LRRTM4: variants seen among roughly 807,000 people sequenced by gnomAD.
LRRTM4 encodes leucine rich repeat transmembrane neuronal 4, also known as leucine-rich repeat transmembrane neuronal protein 4.
Under a neutral mutation model 47.6 loss-of-function variants are expected in LRRTM4, and 25 were observed. The observed-to-expected ratio is 0.53, with a 90% CI of 0.38 to 0.73. LRRTM4 has a LOEUF of 0.73. Ranked by LOEUF, LRRTM4 falls within the 30% of genes least tolerant of loss-of-function variation. The probability of loss-of-function intolerance (pLI) is 0.00; values close to 1 mark genes in which losing one functional copy is unlikely to be tolerated. For synonymous variants in LRRTM4, 311 were observed against 269.5 expected (o/e 1.15, Z -1.51); for missense variants, 638 against 713.4 (o/e 0.89, Z 1.20).
intron 3 of LRRTM4, among the ~76,000 whole-genome samples, chr2:77,469,946 T>C (rs758883591): frequency 2.0e-5 from 3 of 152,124 alleles, no homozygotes; most frequent in Non-Finnish European, 4.4e-5. Flanking sequence ...AACAAAGACT[T>C]TTTATTTATA....
chr2:77,416,648 A>C (rs1674645294), intron 3 of LRRTM4, among the ~76,000 whole-genome samples: 1 of 152,092 alleles, frequency 6.6e-6, no homozygotes. Context: ...TCATTAATAT[A>C]ATCTTAGCAA....
chr2:77,239,056 C>T (rs2103986109), intron 3 of LRRTM4, among the ~76,000 whole-genome samples: 1 of 151,490 alleles, frequency 6.6e-6, no homozygotes, highest in South Asian at 2.1e-4. Flanking sequence ...GAAATCTGAA[C>T]TAAAGAAAGA....
intron 3 of LRRTM4, among the ~76,000 whole-genome samples, chr2:76,979,704 A>C (rs1319228968): frequency 7.0e-6 from 1 of 143,100 alleles, no homozygotes; most frequent in Non-Finnish European, 1.6e-5. Flanking sequence ...AGCGATAGAT[A>C]GATAGATAGA....
intron 3 of LRRTM4, among the ~76,000 whole-genome samples, chr2:77,133,710 C>G (rs1013255568): frequency 1.3e-4 from 20 of 152,088 alleles, no homozygotes; most frequent in African/African-American, 4.6e-4. Context: ...CAACCTGGTT[C>G]TGAGAGTTTC....
chr2:77,246,075 T>C (rs1675437965), intron 3 of LRRTM4, among the ~76,000 whole-genome samples: 2 of 152,224 alleles, frequency 1.3e-5, no homozygotes, highest in Admixed American at 1.3e-4. Flanking sequence ...ACTAGCCATC[T>C]TTACTGATGA....
chr2:77,385,692 C>G (rs954566811), intron 3 of LRRTM4, among the ~76,000 whole-genome samples: 7 of 142,628 alleles, frequency 4.9e-5, no homozygotes, highest in African/African-American at 1.6e-4. Flanking sequence ...GTTTTCTCTT[C>G]TTTTTCTAAA....
At chr2:77,508,163 A>G (rs1460089279) in intron 3 of LRRTM4, among the ~76,000 whole-genome samples, 1 of 152,168 alleles carries the variant, frequency 6.6e-6, no homozygotes, top group East Asian at 1.9e-4. Context: ...ATACTATGAA[A>G]AATGTATACT....
rs773581790 is a variant in LRRTM4 at position 77,250,465 on chromosome 2, A to T, written c.1551+267853T>A. Among the ~76,000 whole-genome samples, 75 of 152,300 alleles carry T rather than the reference A, an allele frequency of 4.9e-4. 1 individual carries two copies. The highest frequency in any genetic ancestry group is 1.0e-3 in the South Asian group (5 of 4,826). On this transcript the variant is annotated intron_variant, in intron 3 of 3. Coordinates refer to ENST00000409884, the MANE Select transcript of LRRTM4 (RefSeq NM_001134745.3). ...TCTGTCCAATTTTATAGTGAATCTA[A>T]AACTTCTCTAAAGATAAAGTTATTA... is the stretch of plus-strand genomic sequence containing the variant.
At chr2:76,797,414 C>A (rs559869329) in intron 3 of LRRTM4, among the ~76,000 whole-genome samples, 52 of 152,020 alleles carry the variant, frequency 3.4e-4, no homozygotes, top group Non-Finnish European at 6.3e-4. Flanking sequence ...CAAGCAAATG[C>A]TGAGAGATTT....
chr2:76,783,102 G>T (rs1182523558), intron 3 of LRRTM4, among the ~76,000 whole-genome samples: 2 of 152,064 alleles, frequency 1.3e-5, no homozygotes, highest in African/African-American at 4.8e-5. Flanking sequence ...ACAAGCATTA[G>T]TTACAAAATT....
At chr2:77,323,910 A>G (rs774483514) in intron 3 of LRRTM4, among the ~76,000 whole-genome samples, 4 of 152,152 alleles carry the variant, frequency 2.6e-5, no homozygotes, top group Non-Finnish European at 5.9e-5. Flanking sequence ...ATAAGAATTA[A>G]GGGAGCTAAC....
At chr2:77,085,378 CT>C (rs11393823) in intron 3 of LRRTM4, among the ~76,000 whole-genome samples, 367 of 139,620 alleles carry the variant, frequency 2.6e-3, no homozygotes, top group South Asian at 6.9e-3. Flanking sequence ...CAATCCCTCA[CT>C]TTTTTTTTTT....
chr2:77,140,662 A>C (rs1285939280), intron 3 of LRRTM4, among the ~76,000 whole-genome samples: 3 of 152,230 alleles, frequency 2.0e-5, no homozygotes, highest in Non-Finnish European at 4.4e-5. Flanking sequence ...GCACAGCAAA[A>C]GAAACTACCA....
chr2:77,004,442 G>C (rs1374330588), intron 3 of LRRTM4, among the ~76,000 whole-genome samples: 3 of 152,188 alleles, frequency 2.0e-5, no homozygotes, highest in Non-Finnish European at 4.4e-5. Flanking sequence ...TGCTGAGCTT[G>C]TGGGTACACA....
intron 3 of LRRTM4, among the ~76,000 whole-genome samples, chr2:76,995,740 A>G (rs1677177574): frequency 6.6e-6 from 1 of 152,086 alleles, no homozygotes; most frequent in Non-Finnish European, 1.5e-5. Flanking sequence ...CATCTCTACA[A>G]GATGTGAACT....
intron 3 of LRRTM4, among the ~76,000 whole-genome samples, chr2:76,801,586 G>T (rs1048763819): frequency 1.3e-5 from 2 of 151,914 alleles, no homozygotes; most frequent in Non-Finnish European, 2.9e-5. Context: ...AGTGGGTGCA[G>T]TGCACCAGCA....
chr2:77,328,489 A>T (rs1188742389), intron 3 of LRRTM4, among the ~76,000 whole-genome samples: 2 of 151,564 alleles, frequency 1.3e-5, no homozygotes, highest in Non-Finnish European at 2.9e-5. Flanking sequence ...TCTTCCTTTC[A>T]CTCATTGTCT....
At chr2:77,279,763 TATA>T (rs914590296) in intron 3 of LRRTM4, among the ~76,000 whole-genome samples, 31 of 152,074 alleles carry the variant, frequency 2.0e-4, no homozygotes, top group African/African-American at 7.5e-4. Flanking sequence ...TACAGAGTAT[TATA>T]ATAAGACATG....
chr2:76,929,414 T>C (rs966777383), intron 3 of LRRTM4, among the ~76,000 whole-genome samples: 3 of 152,204 alleles, frequency 2.0e-5, no homozygotes, highest in Admixed American at 1.3e-4. Flanking sequence ...AGAGGTCTTA[T>C]GGCTGACAAT....
Sources: gnomAD v4.1 joint callset for allele counts (sites outside exome capture counted in the v4.1 genomes callset) on GRCh38, gnomAD v4.1.1 for gene constraint, MANE v1.5 for transcripts, NCBI Gene and HGNC (gene_info 2026-07-23, HGNC 2026-07-21) for gene names.